The following TUG1 variants were observed in gnomAD, a reference collection of about 807,000 sequenced individuals.
TUG1 encodes the protein taurine upregulated gene 1.
At chr22:30,970,397 C>G (rs1164452694) in exon 1 of TUG1, 1 of 152,148 alleles carries the variant, frequency 6.6e-6, no homozygotes, top group Admixed American at 6.6e-5. Flanking sequence ...AATGGATATT[C>G]GGGGTTAACA....
exon 3 of TUG1, chr22:30,975,333 C>G (rs1731223788): frequency 6.6e-6 from 1 of 152,192 alleles, no homozygotes; most frequent in Non-Finnish European, 1.5e-5. Context: ...CAACTATCTT[C>G]CTTTACCACC....
At chr22:30,972,564 C>T (rs1323767796) in intron 1 of TUG1, 1 of 152,216 alleles carries the variant, frequency 6.6e-6, no homozygotes, top group Non-Finnish European at 1.5e-5. Flanking sequence ...CAAAAAATGC[C>T]CAGTACCCTG....
exon 3 of TUG1, chr22:30,979,095 G>T (rs1332848650): frequency 6.6e-6 from 1 of 151,740 alleles, no homozygotes; most frequent in South Asian, 2.1e-4. Flanking sequence ...GTTAAGGTGT[G>T]GTTCAGCCAT....
chr22:30,973,585 A>G (rs1212926043), exon 2 of TUG1: 1 of 152,360 alleles, frequency 6.6e-6, no homozygotes, highest in African/African-American at 2.4e-5. Flanking sequence ...TTGATACATC[A>G]AGGTAGAACC....
exon 1 of TUG1, chr22:30,971,244 C>T (rs2041226689): frequency 6.6e-6 from 1 of 152,106 alleles, no homozygotes; most frequent in African/African-American, 2.4e-5. Context: ...ATTCCCTTTT[C>T]CTAAAGGGCA....
intron 2 of TUG1, chr22:30,974,250 G>T (rs1336225290): frequency 1.3e-5 from 2 of 151,094 alleles, no homozygotes; most frequent in Non-Finnish European, 2.9e-5. Context: ...GTAAGACATG[G>T]CCCTTCCCCC....
At chr22:30,970,364 A>T (rs907522120) in exon 1 of TUG1, 22 of 152,158 alleles carry the variant, frequency 1.4e-4, no homozygotes, top group African/African-American at 5.1e-4. Context: ...AGTCCCTGGG[A>T]TATGTGAGCT....
At chr22:30,970,955 C>G (rs1359005742) in exon 1 of TUG1, 1 of 152,170 alleles carries the variant, frequency 6.6e-6, no homozygotes, top group African/African-American at 2.4e-5. Flanking sequence ...TCCTTGTGTT[C>G]TAATTGCTTG....
At chr22:30,975,081 A>G (rs1044665775) in intron 2 of TUG1, 89 bp from the exon 3 acceptor site, 2 of 152,248 alleles carry the variant, frequency 1.3e-5, no homozygotes. Flanking sequence ...AATGTGGTCC[A>G]TCTTAGGGAA....
At chr22:30,972,527 A>C (rs1602529908) in intron 1 of TUG1, 2 of 152,208 alleles carry the variant, frequency 1.3e-5, no homozygotes, top group Admixed American at 6.5e-5. Flanking sequence ...TTTTTATGGC[A>C]CTTGTGGAGC....
At chr22:30,970,322 G>T (rs1451004101) in exon 1 of TUG1, 7 of 152,338 alleles carry the variant, frequency 4.6e-5, no homozygotes, top group Middle Eastern at 3.4e-3. Context: ...TGTCATTTGG[G>T]ACCCTTCACA....
chr22:30,970,619 C>T (rs570294366), exon 1 of TUG1: 2 of 152,320 alleles, frequency 1.3e-5, no homozygotes, highest in South Asian at 4.2e-4. Flanking sequence ...CTGTACTTTT[C>T]TGACTCTCAT....
At chr22:30,971,227 A>C (rs552874803) in exon 1 of TUG1, 1 of 152,220 alleles carries the variant, frequency 6.6e-6, no homozygotes, top group South Asian at 2.1e-4. Flanking sequence ...GAAAAAATCA[A>C]TTGACTATTC....
At chr22:30,976,527 A>C (rs1385015123) in exon 3 of TUG1, 1 of 152,242 alleles carries the variant, frequency 6.6e-6, no homozygotes, top group African/African-American at 2.4e-5. Flanking sequence ...GTGGAACCAC[A>C]TCAGTCTCAA....
intron 1 of TUG1, chr22:30,972,036 C>T (rs1171035378): frequency 6.6e-6 from 1 of 152,244 alleles, no homozygotes; most frequent in Non-Finnish European, 1.5e-5. Context: ...CCTGCATTTA[C>T]TGTCTTTGCA....
exon 3 of TUG1, chr22:30,978,842 T>A (rs2041317493): frequency 6.6e-6 from 1 of 152,216 alleles, no homozygotes; most frequent in African/African-American, 2.4e-5. Context: ...CCTTTTTTGC[T>A]TAAGTTACTT....
chr22:30,975,124 T>A (rs540124963), intron 2 of TUG1, 46 bp from the exon 3 acceptor site: 1 of 152,358 alleles, frequency 6.6e-6, no homozygotes, highest in Admixed American at 6.5e-5. Context: ...TACCACAGGC[T>A]TTGCTTACAG....
chr22:30,976,873 G>C (rs1442873721), exon 3 of TUG1: 1 of 152,162 alleles, frequency 6.6e-6, no homozygotes, highest in African/African-American at 2.4e-5. Context: ...CGTCAAACAA[G>C]GCCTAGGTCT....
intron 1 of TUG1, chr22:30,972,209 TTACTC>T (rs2147357162): frequency 6.6e-6 from 1 of 152,356 alleles, no homozygotes; most frequent in East Asian, 1.9e-4. Flanking sequence ...ATAACTTACA[TTACTC>T]TTAATGAGGA....
Sources: gnomAD v4.1 joint callset for allele counts on GRCh38, gnomAD v4.1.1 for gene constraint, MANE v1.5 for transcripts, NCBI Gene and HGNC (gene_info 2026-07-23, HGNC 2026-07-21) for gene names.